The following CACNA1A variants were observed in gnomAD, a reference collection of about 807,000 sequenced individuals.
CACNA1A encodes voltage-dependent P/Q-type calcium channel subunit alpha-1A.
CACNA1A carries 57 observed loss-of-function variants against 262.4 expected under a neutral mutation model. The ratio of observed to expected loss-of-function variants is 0.22; its 90% CI spans 0.18 to 0.27. The LOEUF (loss-of-function observed/expected upper bound fraction) is 0.27. Ranked by LOEUF, CACNA1A falls within the 10% of genes least tolerant of loss-of-function variation. The pLI is 1.00. For missense variants in CACNA1A, 2,526 were observed against 3,562.8 expected (o/e 0.71, Z 7.41); for synonymous variants, 1,431 against 1,419.3 (o/e 1.01, Z -0.18).
chr19:13,330,366 A>T, intron 9 of CACNA1A, 33 bp from the exon 10 acceptor site: 1 of 1,491,396 alleles, frequency 6.7e-7, no homozygotes, highest in Non-Finnish European at 9.2e-7. Context: ...AGAGAAAAAG[A>T]CGTTACCCTT....
At chr19:13,448,943 T>A (rs1429449743) in intron 3 of CACNA1A, among the ~76,000 whole-genome samples, 1 of 152,076 alleles carries the variant, frequency 6.6e-6, no homozygotes, top group East Asian at 1.9e-4. Context: ...TTTTTTTCTT[T>A]CTCTTTTCTT....
chr19:13,472,688 C>T (rs953478219), intron 1 of CACNA1A, among the ~76,000 whole-genome samples: 3 of 152,174 alleles, frequency 2.0e-5, no homozygotes, highest in South Asian at 2.1e-4. Context: ...TCTTCACTTA[C>T]GTGGTACCCC....
intron 20 of CACNA1A, among the ~76,000 whole-genome samples, chr19:13,285,751 C>T (rs1440606153): frequency 6.6e-6 from 1 of 152,038 alleles, no homozygotes; most frequent in Non-Finnish European, 1.5e-5. Flanking sequence ...CATTCTGCAG[C>T]CCAGCCTGCT....
At chr19:13,403,355 T>G (rs1344117292) in intron 3 of CACNA1A, among the ~76,000 whole-genome samples, 2 of 152,080 alleles carry the variant, frequency 1.3e-5, no homozygotes, top group Non-Finnish European at 2.9e-5. Context: ...GTGATGAGTT[T>G]AAAAAAATTA....
At chr19:13,495,445 C>T (rs566082300) in intron 1 of CACNA1A, among the ~76,000 whole-genome samples, 268 of 152,128 alleles carry the variant, frequency 1.8e-3, no homozygotes, top group East Asian at 3.9e-4. Flanking sequence ...TACAGGTGCC[C>T]GCCACCACGC....
At chr19:13,284,251 A>T (rs1300594294) in intron 21 of CACNA1A, 2 of 152,232 alleles carry the variant, frequency 1.3e-5, no homozygotes, top group East Asian at 1.9e-4. Flanking sequence ...ATTAAAAAAA[A>T]TTTTAAGGCA....
chr19:13,393,676 TC>T lies in CACNA1A; in HGVS notation c.540-21898del, dbSNP rs1324302679. 2.4e-4 allele frequency among the ~76,000 whole-genome samples: 35 copies of T among 148,852 alleles called. 1 individual carries two copies. In the South Asian group the frequency reaches 2.7e-3, roughly 11 times the overall value. Reference sequence around the variant, plus strand: ...TCTGTCTTCCTCTTTTCTTTCTTTCTCTTTCTTTCCTTTTCTTTCTTTACCT... The same window carrying T: ...TCTGTCTTCCTCTTTTCTTTCTTTCTTTTCTTTCCTTTTCTTTCTTTACCT... On this transcript the variant is annotated intron_variant, in intron 3 of 46. Coordinates refer to ENST00000360228, the MANE Select transcript of CACNA1A (RefSeq NM_001127222.2).
intron 40 of CACNA1A, chr19:13,213,833 G>T: frequency 5.8e-6 from 1 of 173,862 alleles, no homozygotes; most frequent in Non-Finnish European, 1.2e-5. Context: ...ACAGGTGCAT[G>T]GCGCCACATG....
intron 31 of CACNA1A, chr19:13,244,773 A>C: frequency 5.7e-6 from 1 of 175,588 alleles, no homozygotes; most frequent in Non-Finnish European, 1.2e-5. Flanking sequence ...CCTGCCCACT[A>C]ACTAGGAGAG....
chr19:13,208,741 T>G lies in CACNA1A; in HGVS notation c.6780+15A>C. On this transcript the variant is annotated intron_variant, in intron 46 of 46. Transcript: ENST00000360228. ...CGGCCGAGCCCAGCCTGGGGTCACTTGCAGCCGCACCCACCTGCCGGTGCG... is the reference window on the plus strand; with the variant it reads ...CGGCCGAGCCCAGCCTGGGGTCACTGGCAGCCGCACCCACCTGCCGGTGCG... 6.4e-7 allele frequency: 1 copy of G among 1,565,484 alleles called. No homozygotes were observed. Among genetic ancestry groups the G allele is most frequent in the Non-Finnish European group, 8.6e-7 (1 of 1,161,476 alleles).
intron 1 of CACNA1A, among the ~76,000 whole-genome samples, chr19:13,463,383 C>A (rs2061161937): frequency 6.6e-6 from 1 of 152,202 alleles, no homozygotes; most frequent in Admixed American, 6.5e-5. Flanking sequence ...AAATCTTCAA[C>A]ACACAGTTCT....
chr19:13,289,540 GAGTAGA>G (rs1419953996), intron 19 of CACNA1A, among the ~76,000 whole-genome samples: 1 of 152,136 alleles, frequency 6.6e-6, no homozygotes, highest in Non-Finnish European at 1.5e-5. Flanking sequence ...GGGATAACAG[GAGTAGA>G]ACCTTCCCCA....
At chr19:13,300,440 C>T (rs955430813) in intron 18 of CACNA1A, 110 bp downstream of exon 18, 1 of 749,434 alleles carries the variant, frequency 1.3e-6, no homozygotes, top group African/African-American at 1.7e-5. Context: ...GTGTCTCTTC[C>T]TAAAGCTCAG....
chr19:13,464,428 A>T (rs1470163273), intron 1 of CACNA1A, among the ~76,000 whole-genome samples: 4 of 152,116 alleles, frequency 2.6e-5, no homozygotes, highest in Admixed American at 6.5e-5. Context: ...ACATTTTTTT[A>T]AAAAAGAAAA....
chr19:13,405,007 C>T (rs767262162), intron 3 of CACNA1A, among the ~76,000 whole-genome samples: 2 of 151,788 alleles, frequency 1.3e-5, no homozygotes, highest in Non-Finnish European at 2.9e-5. Flanking sequence ...AGCGATTCTC[C>T]TGCCTCAGCC....
rs2054580972 is a variant in CACNA1A at position 13,206,746 on chromosome 19, CTT to C, written c.*565_*566del. On this transcript the variant is annotated 3_prime_UTR_variant, in exon 47 of 47. Coordinates refer to ENST00000360228, the MANE Select transcript of CACNA1A (RefSeq NM_001127222.2). ...GGGTTTGGTATAACCGGCAAGCACTCTTGTGTGTGTCTGAGAACGTGTGTGGG... is the reference window on the plus strand; with the variant it reads ...GGGTTTGGTATAACCGGCAAGCACTCGTGTGTGTCTGAGAACGTGTGTGGG... 6.5e-6 allele frequency: 1 copy of C among 153,964 alleles called. No individual in the cohort carries two copies. The highest frequency in any genetic ancestry group is 2.4e-5 in the African/African-American group (1 of 41,384). The allele number at this position is 153,964 out of a possible 1,614,324, so 9.5% of individuals were successfully genotyped here. A position where few individuals can be genotyped will look rare whatever the true frequency, so the allele number is the denominator to read the frequency against.
In CACNA1A at chr19:13,236,888, G is replaced by T. The variant is rs2055895502; in HGVS notation, c.4951-1158C>A. 6.6e-6 allele frequency among the ~76,000 whole-genome samples: 1 copy of T among 152,184 alleles called. No individual in the cohort carries two copies. The highest frequency in any genetic ancestry group is 2.1e-4 in the South Asian group (1 of 4,830). ...TTAAGTGGCCATTGTGGGGCTTCAA[G>T]GGACCTTGGTGGGGGGGGTGGGACT... On this transcript the variant is annotated intron_variant, in intron 31 of 46. Transcript: ENST00000360228. This position sits in a 1 kb window ranked among gnomAD's most constrained non-coding sequence, Gnocchi z 4.6.
intron 15 of CACNA1A, 135 bp downstream of exon 15, chr19:13,307,647 A>G: frequency 8.8e-6 from 6 of 679,950 alleles, no homozygotes; most frequent in Non-Finnish European, 1.3e-5. Flanking sequence ...ATAACCATAA[A>G]ATCTGTGTTT....
At chr19:13,423,761 T>A (rs2060354980) in intron 3 of CACNA1A, among the ~76,000 whole-genome samples, 1 of 152,058 alleles carries the variant, frequency 6.6e-6, no homozygotes, top group South Asian at 2.1e-4. Context: ...GTGATCCACC[T>A]GCCTCAGCCT....
Sources: allele counts gnomAD v4.1 joint callset (sites outside exome capture counted in the v4.1 genomes callset), GRCh38; gene constraint gnomAD v4.1.1; non-coding constraint Gnocchi (gnomAD v3.1); transcripts MANE v1.5; gene names NCBI Gene and HGNC (gene_info 2026-07-23, HGNC 2026-07-21).